The following CC2D1A variants were observed in gnomAD, a reference collection of about 807,000 sequenced individuals.
CC2D1A encodes the protein coiled-coil and C2 domain containing 1A, also known as coiled-coil and C2 domain-containing protein 1A.
A neutral mutation model predicts 123.8 loss-of-function variants in CC2D1A; 68 were observed. The ratio of observed to expected loss-of-function variants is 0.55; its 90% CI spans 0.45 to 0.67. The LOEUF (loss-of-function observed/expected upper bound fraction) is 0.67, where lower values mean the gene tolerates loss of function less well. Ranked by LOEUF, CC2D1A falls within the 30% of genes least tolerant of loss-of-function variation. The pLI, the probability that CC2D1A is intolerant of heterozygous loss-of-function variation, is 0.00. For synonymous variants in CC2D1A, 477 were observed against 528.0 expected (o/e 0.90, Z 1.32); for missense variants, 1,185 against 1,290.3 (o/e 0.92, Z 1.25).
chr19:13,926,806 C>T lies in CC2D1A; in HGVS notation c.2074-15C>T. The stretch of plus-strand genomic sequence containing the variant: ...CCCAGGCCCCCTAGATTTCCTGCCT[C>T]CTCTCTGGTCATAGGAAGAAGCTCA... On this transcript the variant is annotated splice_polypyrimidine_tract_variant and intron_variant, in intron 19 of 28. Transcript: ENST00000318003. The T allele has an allele frequency of 6.2e-7, 1 of 1,614,072 alleles. No individual in the cohort carries two copies. Among genetic ancestry groups the T allele is most frequent in the Non-Finnish European group, 8.5e-7 (1 of 1,180,002 alleles).
rs778133505 is a variant in CC2D1A, at chr19:13,923,840, G to A, written c.1940+29G>A. 3.3e-6 allele frequency: 5 copies of A among 1,506,268 alleles called. No homozygotes were observed. Among genetic ancestry groups the A allele is most frequent in the South Asian group, 1.1e-5 (1 of 88,828 alleles). 93.3% of individuals were successfully genotyped at this position (1,506,268 alleles called of 1,614,324 possible). On this transcript the variant is annotated intron_variant, in intron 17 of 28. Transcript: ENST00000318003. The surrounding 1 kb of genome is among the most constrained non-coding windows in gnomAD (Gnocchi z 5.3). ...AGGCTCCTGATCTACGCCCCACCACGTGGCCCCAGTGGCCCTTTGGTGGCG... is the reference window on the plus strand; with the variant it reads ...AGGCTCCTGATCTACGCCCCACCACATGGCCCCAGTGGCCCTTTGGTGGCG...
At position 13,918,933 on chromosome 19, in the gene CC2D1A, C is replaced by T; in HGVS notation, c.1040C>T (p.Thr347Ile). Residue 347 changes from threonine (T) to isoleucine (I), a missense_variant, in exon 10 of 29, where the codon ACC becomes ATC. Physicochemically the swap from Thr to Ile is moderately conservative, Grantham distance 89. Coordinates refer to ENST00000318003, the MANE Select transcript of CC2D1A (RefSeq NM_017721.5). ...CCAGAGGTGCCCCCACCCCCGAGGA[C>T]CCTGCTGGAGGCGCTGGAGCAGCGG... The part of the protein sequence containing the change: ...STTEVPPPPR[T>I]LLEALEQRME... 6.2e-7 allele frequency: 1 copy of T among 1,610,970 alleles called. No homozygotes were observed.
rs1316313555 is a variant in CC2D1A at position 13,929,992 on chromosome 19, C to T, written c.2711-86C>T. The T allele has an allele frequency of 1.7e-5, 20 of 1,211,896 alleles. No homozygotes were observed. The African/African-American group carries it at 1.9e-4, about 12-fold the overall frequency. The allele number at this position is 1,211,896 out of a possible 1,614,324, so 75.1% of individuals were successfully genotyped here. On this transcript the variant is annotated intron_variant, in intron 26 of 28. Coordinates refer to ENST00000318003, the MANE Select transcript of CC2D1A (RefSeq NM_017721.5). ...TCGGGGATGGGCACCTGGCGGGGGACGGGCTTGGGGATGGGCACAGTCCAG... is the reference window on the plus strand; with the variant it reads ...TCGGGGATGGGCACCTGGCGGGGGATGGGCTTGGGGATGGGCACAGTCCAG...
Position 13,923,932 on chromosome 19 carries a change from G to A in CC2D1A, c.1940+121G>A. On this transcript the variant is annotated intron_variant, in intron 17 of 28. Transcript: ENST00000318003. This position sits in a 1 kb window ranked among gnomAD's most constrained non-coding sequence, Gnocchi z 5.3. ...CATCTGGAAGAAATTTTGGATAGGT[G>A]GAAGAGCACAGAGCATGCAAAGGCT... 1.4e-6 allele frequency: 1 copy of A among 722,306 alleles called. No individual in the cohort carries two copies. Among genetic ancestry groups the A allele is most frequent in the East Asian group, 2.6e-5 (1 of 38,852 alleles). 44.7% of individuals were successfully genotyped at this position (722,306 alleles called of 1,614,324 possible). A position where few individuals can be genotyped will look rare whatever the true frequency, so the allele number is the denominator to read the frequency against.
intron 14 of CC2D1A, among the ~76,000 whole-genome samples, chr19:13,921,710 G>C (rs1488975877): frequency 6.6e-6 from 1 of 152,266 alleles, no homozygotes; most frequent in African/African-American, 2.4e-5. Context: ...GTCTTTGCTG[G>C]ACACTGGAGA....
Position 13,923,343 on chromosome 19 carries a change from C to T in CC2D1A, c.1652C>T (p.Ala551Val). The T allele has an allele frequency of 6.2e-7, 1 of 1,607,970 alleles. No individual in the cohort carries two copies. The highest frequency in any genetic ancestry group is 1.3e-5 in the African/African-American group (1 of 75,040). Residue 551 changes from alanine (A) to valine (V), a missense_variant, in exon 15 of 29, where the codon GCC becomes GTC. Coordinates refer to ENST00000318003, the MANE Select transcript of CC2D1A (RefSeq NM_017721.5). The surrounding 1 kb of genome is among the most constrained non-coding windows in gnomAD (Gnocchi z 5.3). ...LPVDITKVPP[A>V]PVNKDDFALV... ...CCTCGTCCTCCCCAGGTGCCGCCTG[C>T]CCCTGTCAACAAGGACGACTTTGCC...
At chr19:13,917,839 C>T (rs1380462058) in intron 6 of CC2D1A, among the ~76,000 whole-genome samples, 2 of 152,068 alleles carry the variant, frequency 1.3e-5, no homozygotes, top group African/African-American at 4.8e-5. Flanking sequence ...ATTAGCCGGG[C>T]ATGTGCCTGT....
Position 13,930,310 on chromosome 19 carries a change from G to A in CC2D1A, c.2835+21G>A, listed in dbSNP as rs1971856618. 9 of 1,613,780 alleles carry A rather than the reference G, an allele frequency of 5.6e-6. No individual in the cohort carries two copies. The highest frequency in any genetic ancestry group is 4.4e-5 in the South Asian group (4 of 91,092). On this transcript the variant is annotated intron_variant, in intron 28 of 28. Transcript: ENST00000318003. The surrounding 1 kb of genome is among the most constrained non-coding windows in gnomAD (Gnocchi z 6.8). ...GTGAGGTAAGCAGCTTAGGAGATGG[G>A]GTGGTTGGGGGATCACTGTGGTCGT...
At position 13,930,270 on chromosome 19, in the gene CC2D1A, G is replaced by A. The variant is rs780787008; in HGVS notation, c.2816G>A (p.Arg939Gln). 8 of 1,613,982 alleles carry A rather than the reference G, an allele frequency of 5.0e-6. No individual in the cohort carries two copies. Among genetic ancestry groups the A allele is most frequent in the Non-Finnish European group, 6.8e-6 (8 of 1,179,918 alleles). The change falls in exon 28 of 29, where the codon CGG becomes CAG. Residue 939 changes from arginine (R) to glutamine (Q), a missense_variant. Transcript: ENST00000318003. The surrounding 1 kb of genome is among the most constrained non-coding windows in gnomAD (Gnocchi z 6.8). Reference sequence around the variant, plus strand: ...GCTGCAAAGGAGGCGCTCTATAGGCGGAATCTGGTAGAGAGTGAGGTAAGC... The same window carrying A: ...GCTGCAAAGGAGGCGCTCTATAGGCAGAATCTGGTAGAGAGTGAGGTAAGC... The part of the protein sequence containing the change: ...RDAAKEALYR[R>Q]NLVESELQRL...
intron 2 of CC2D1A, 150 bp downstream of exon 2, chr19:13,910,108 C>A (rs1303183146): frequency 2.7e-6 from 2 of 738,844 alleles, no homozygotes; most frequent in Non-Finnish European, 3.8e-6. Flanking sequence ...GAGTCAAGAT[C>A]GACTCTGAGG....
intron 17 of CC2D1A, among the ~76,000 whole-genome samples, chr19:13,925,176 T>C (rs992275533): frequency 3.3e-5 from 5 of 152,204 alleles, no homozygotes; most frequent in African/African-American, 1.2e-4. Flanking sequence ...TCTATTTATG[T>C]ACTTATGCTC....
At chr19:13,929,715 G>T (rs565864709) in intron 26 of CC2D1A, 55 bp downstream of exon 26, 5 of 1,214,410 alleles carry the variant, frequency 4.1e-6, no homozygotes, top group East Asian at 2.7e-5. Context: ...ATAGGCATGG[G>T]GGGGGAGGTG....
chr19:13,913,708 G>C, intron 6 of CC2D1A, 70 bp downstream of exon 6: 1 of 1,225,080 alleles, frequency 8.2e-7, no homozygotes, highest in South Asian at 1.5e-5. Context: ...TGCTCTAGGG[G>C]GGTGCCGGCT....
At chr19:13,913,053 G>C in intron 4 of CC2D1A, 115 bp from the exon 5 acceptor site, 1 of 1,114,308 alleles carries the variant, frequency 9.0e-7, no homozygotes, top group Non-Finnish European at 1.2e-6. Context: ...CTGCCTCACT[G>C]GGGCAGGGGA....
chr19:13,927,797 C>CAAA (rs61144434), intron 22 of CC2D1A, 96 bp from the exon 23 acceptor site: 38 of 995,788 alleles, frequency 3.8e-5, no homozygotes, highest in African/African-American at 3.4e-4. Flanking sequence ...AAAAAAAAAC[C>CAAA]AAAAAAAAAA....
intron 6 of CC2D1A, among the ~76,000 whole-genome samples, chr19:13,914,785 G>A (rs993744465): frequency 4.6e-5 from 7 of 152,094 alleles, no homozygotes; most frequent in Non-Finnish European, 1.0e-4. Context: ...ACAGGCATAT[G>A]CCACCGTGCC....
intron 24 of CC2D1A, among the ~76,000 whole-genome samples, chr19:13,929,082 C>T (rs150727802): frequency 6.6e-6 from 1 of 151,120 alleles, no homozygotes; most frequent in South Asian, 2.1e-4. Context: ...CGGCTCATTG[C>T]AACCTCCAGC....
At chr19:13,919,690 AT>A in intron 11 of CC2D1A, 127 bp from the exon 12 acceptor site, 192 of 990,910 alleles carry the variant, frequency 1.9e-4, no homozygotes, top group Middle Eastern at 3.7e-4. Context: ...AAAAAAAAAA[AT>A]TAATTAATTA....
chr19:13,929,563 G>T lies in CC2D1A; in HGVS notation c.2613G>T (p.Pro871=). ...KILALRQARR[P]VPPEVAQQYQ... is the part of the protein sequence containing the mutation. ...TGGCCCTCAGGCAGGCGCGGCGGCC[G>T]GTGCCCCCAGAAGTGGCCCAGCAGT... The change falls in exon 26 of 29, where the codon CCG becomes CCT. Residue 871 remains proline, a synonymous_variant. Transcript: ENST00000318003. 4 of 1,610,102 alleles carry T rather than the reference G, an allele frequency of 2.5e-6. No individual in the cohort carries two copies. Among genetic ancestry groups the T allele is most frequent in the South Asian group, 1.1e-5 (1 of 90,900 alleles).
Sources: allele counts gnomAD v4.1 joint callset (sites outside exome capture counted in the v4.1 genomes callset), GRCh38; gene constraint gnomAD v4.1.1; non-coding constraint Gnocchi (gnomAD v3.1); transcripts MANE v1.5; gene names NCBI Gene and HGNC (gene_info 2026-07-23, HGNC 2026-07-21).